The following MAU2 variants were observed in gnomAD, a reference collection of about 807,000 sequenced individuals.
The protein encoded by MAU2 is MAU2 chromatid cohesion factor homolog.
MAU2 carries 9 observed loss-of-function variants against 89.1 expected under a neutral mutation model. The ratio of observed to expected loss-of-function variants is 0.10; its 90% CI spans 0.06 to 0.18. The LOEUF (loss-of-function observed/expected upper bound fraction) is 0.18. Among genes scored for constraint, MAU2 ranks in the 10% least tolerant of loss-of-function variants. The pLI is 1.00. For synonymous variants in MAU2, 357 were observed against 343.4 expected, an observed-to-expected ratio of 1.04 and a Z score of -0.44; for missense variants, 425 against 803.5, an observed-to-expected ratio of 0.53 and a Z score of 5.69.
At chr19:19,337,138 T>A in intron 3 of MAU2, 32 bp from the exon 4 acceptor site, 1 of 1,457,896 alleles carries the variant, frequency 6.9e-7, no homozygotes, top group Non-Finnish European at 9.5e-7. Flanking sequence ...TTTTTTTTTC[T>A]TACATTCCCA....
At chr19:19,322,525 G>T (rs185659111) in intron 1 of MAU2, among the ~76,000 whole-genome samples, 28 of 152,302 alleles carry the variant, frequency 1.8e-4, no homozygotes, top group Admixed American at 1.0e-3. Flanking sequence ...GCTAAGCCCC[G>T]GGAGGTCGTG....
At position 19,345,700 on chromosome 19, in the gene MAU2, TGACAAC is replaced by T. The variant is rs1293302993; in HGVS notation, c.1221+332_1221+337del. Among the ~76,000 whole-genome samples the T allele has an allele frequency of 1.3e-5, 2 of 152,164 alleles. No individual in the cohort carries two copies. Among genetic ancestry groups the T allele is most frequent in the Non-Finnish European group, 2.9e-5 (2 of 68,014 alleles). ...AGGCTGGATTGGCTCAAGTGTCAGCTGACAACTCAGAGCCATCCTGGGTTCAGGGCT... is the reference window on the plus strand; with the variant it reads ...AGGCTGGATTGGCTCAAGTGTCAGCTTCAGAGCCATCCTGGGTTCAGGGCT... On this transcript the variant is annotated intron_variant, in intron 12 of 18. Coordinates refer to ENST00000262815, the MANE Select transcript of MAU2 (RefSeq NM_015329.4). The surrounding 1 kb of genome is among the most constrained non-coding windows in gnomAD (Gnocchi z 4.9).
At chr19:19,333,200 G>C (rs908634335) in intron 1 of MAU2, among the ~76,000 whole-genome samples, 4 of 151,968 alleles carry the variant, frequency 2.6e-5, no homozygotes, top group African/African-American at 9.7e-5. Context: ...CAAAGCTGTT[G>C]CTGGCCAAGC....
chr19:19,332,696 G>A (rs990172126), intron 1 of MAU2, among the ~76,000 whole-genome samples: 4 of 152,142 alleles, frequency 2.6e-5, no homozygotes, highest in African/African-American at 9.7e-5. Context: ...AGGGGAGATG[G>A]GATCCTCTCT....
intron 12 of MAU2, among the ~76,000 whole-genome samples, chr19:19,346,298 C>T (rs1288104044): frequency 6.6e-6 from 1 of 152,136 alleles, no homozygotes; most frequent in Non-Finnish European, 1.5e-5. Context: ...CCTCGTGGCC[C>T]TGCCATCCTG....
chr19:19,344,098 T>C (rs2061674563), intron 10 of MAU2, 158 bp downstream of exon 10: 1 of 623,156 alleles, frequency 1.6e-6, no homozygotes, highest in Non-Finnish European at 2.9e-6. Context: ...TGGGCACCAC[T>C]GATCAGAGAA....
In MAU2 at chr19:19,355,307, C is replaced by T. The variant is rs376815890; in HGVS notation, c.1683C>T (p.Ala561=). ...ACGNAMDAHE[A]AQMHQNFSQQ... ...GGAACGCCATGGATGCCCATGAAGC[C>T]GCCCAGATGCACCAGAACTTCTCGC... Residue 561 remains alanine, a synonymous_variant, in exon 18 of 19, where the codon GCC becomes GCT. Transcript: ENST00000262815. 1.7e-5 allele frequency: 27 copies of T among 1,614,116 alleles called. No homozygotes were observed. Among genetic ancestry groups the T allele is most frequent in the East Asian group, 6.7e-5 (3 of 44,886 alleles).
At position 19,341,979 on chromosome 19, in the gene MAU2, C is replaced by T. The variant is rs536929632; in HGVS notation, c.736-556C>T. On this transcript the variant is annotated intron_variant, in intron 7 of 18. Transcript: ENST00000262815. ...GCAGTGGGCCACAGGCGAGTCTCCA[C>T]AGGGCTTGGTAAGGGGGTTGCCCAG... Among the ~76,000 whole-genome samples, 5 of 152,302 alleles carry T rather than the reference C, an allele frequency of 3.3e-5. No homozygotes were observed. The East Asian group carries it at 9.6e-4, about 29-fold the overall frequency.
rs1599880197 is a variant in MAU2 at position 19,320,837 on chromosome 19, G to C, written c.-23G>C. On this transcript the variant is annotated 5_prime_UTR_variant, in exon 1 of 19. Transcript: ENST00000262815. ...CCTGCTTCCGCCTCCCTGTGGCGGC[G>C]GCTTGTTGTTGTGGAGGCCAAAATG... 1 of 1,499,028 alleles carries C rather than the reference G, an allele frequency of 6.7e-7. No individual in the cohort carries two copies. 92.9% of individuals were successfully genotyped at this position (1,499,028 alleles called of 1,614,324 possible).
chr19:19,355,892 G>A lies in MAU2; in HGVS notation c.*110G>A. 9.3e-7 allele frequency: 1 copy of A among 1,078,444 alleles called. No homozygotes were observed. Among genetic ancestry groups the A allele is most frequent in the Non-Finnish European group, 1.4e-6 (1 of 710,926 alleles). 66.8% of individuals were successfully genotyped at this position (1,078,444 alleles called of 1,614,324 possible). ...TGCTTCCTTCCTGATTGTCTCTAGAGCTTCCAAGTCCTGGGAATGTGCGGG... is the reference window on the plus strand; with the variant it reads ...TGCTTCCTTCCTGATTGTCTCTAGAACTTCCAAGTCCTGGGAATGTGCGGG... On this transcript the variant is annotated 3_prime_UTR_variant, in exon 19 of 19. Coordinates refer to ENST00000262815, the MANE Select transcript of MAU2 (RefSeq NM_015329.4).
chr19:19,329,123 A>AGTAG (rs2061534552), intron 1 of MAU2: 1 of 455,846 alleles, frequency 2.2e-6, no homozygotes, highest in African/African-American at 2.0e-5. Flanking sequence ...AAGACCCAAC[A>AGTAG]GGGCTAGGTT....
At chr19:19,321,335 C>CA (rs1304304601) in intron 1 of MAU2, among the ~76,000 whole-genome samples, 200 bp downstream of exon 1, 3 of 152,190 alleles carry the variant, frequency 2.0e-5, no homozygotes, top group Non-Finnish European at 4.4e-5. Flanking sequence ...CCTCGCCCCC[C>CA]ACGCCTTATT....
chr19:19,340,392 C>T (rs2061633714), intron 5 of MAU2, among the ~76,000 whole-genome samples: 1 of 151,642 alleles, frequency 6.6e-6, no homozygotes, highest in Non-Finnish European at 1.5e-5. Flanking sequence ...GTAATCCCAG[C>T]ACTTTGGGAG....
chr19:19,322,721 C>G (rs75342291), intron 1 of MAU2, among the ~76,000 whole-genome samples: 3,465 of 152,116 alleles, frequency 0.023, 137 homozygotes, highest in African/African-American at 0.08. Context: ...CAGCTCTGTC[C>G]TGCTTGAATA....
chr19:19,330,864 CT>C (rs2061550032), intron 1 of MAU2, among the ~76,000 whole-genome samples: 1 of 152,180 alleles, frequency 6.6e-6, no homozygotes, highest in Non-Finnish European at 1.5e-5. Context: ...TGCACTCCCC[CT>C]GGGTGGCAGA....
intron 16 of MAU2, chr19:19,353,541 A>T (rs1293308538): frequency 6.6e-6 from 1 of 152,306 alleles, no homozygotes; most frequent in Non-Finnish European, 1.5e-5. Flanking sequence ...GCCAGGTCTC[A>T]GGAGTTGGTT....
intron 16 of MAU2, chr19:19,354,031 GC>G (rs1034661802): frequency 2.9e-5 from 11 of 380,338 alleles, no homozygotes; most frequent in Non-Finnish European, 3.0e-5. Context: ...TTTCTGATCA[GC>G]CCCCATTGTG....
At chr19:19,321,301 C>G (rs1032518582) in intron 1 of MAU2, among the ~76,000 whole-genome samples, 166 bp downstream of exon 1, 11 of 152,184 alleles carry the variant, frequency 7.2e-5, no homozygotes, top group African/African-American at 2.7e-4. Context: ...CCCAAAGCCA[C>G]CAGCCTCTCA....
intron 1 of MAU2, among the ~76,000 whole-genome samples, chr19:19,322,485 T>G (rs922899076): frequency 1.3e-5 from 2 of 152,282 alleles, no homozygotes; most frequent in South Asian, 4.1e-4. Flanking sequence ...TGTAGTCCCA[T>G]CTACTCCAGA....
Sources: gnomAD v4.1 joint callset for allele counts (sites outside exome capture counted in the v4.1 genomes callset) on GRCh38, gnomAD v4.1.1 for gene constraint, Gnocchi (gnomAD v3.1) non-coding constraint, MANE v1.5 for transcripts, NCBI Gene and HGNC (gene_info 2026-07-23, HGNC 2026-07-21) for gene names.